The following KLHL2 variants were observed in gnomAD, a reference collection of about 807,000 sequenced individuals.
KLHL2 encodes kelch-like protein 2.
A neutral mutation model predicts 75.8 loss-of-function variants in KLHL2; 15 were observed. The ratio of observed to expected loss-of-function variants is 0.20; its 90% CI spans 0.13 to 0.30. KLHL2 has a LOEUF of 0.30. KLHL2 is among the 10% of genes least tolerant of loss of function. The pLI is 1.00. For missense variants in KLHL2, 381 were observed against 741.0 expected, an observed-to-expected ratio of 0.51 and a Z score of 5.64; for synonymous variants, 214 against 251.9, an observed-to-expected ratio of 0.85 and a Z score of 1.42.
At chr4:165,287,437 G>A (rs1483424365) in intron 5 of KLHL2, among the ~76,000 whole-genome samples, 1 of 152,122 alleles carries the variant, frequency 6.6e-6, no homozygotes, top group Non-Finnish European at 1.5e-5. Context: ...GCTATTGTGA[G>A]TCATGCTTCT....
chr4:165,239,015 T>C (rs1739588637), intron 4 of KLHL2, 116 bp downstream of exon 4: 1 of 1,463,702 alleles, frequency 6.8e-7, no homozygotes, highest in South Asian at 1.5e-5. Flanking sequence ...ATTGTGAAAA[T>C]TGTATTTCTA....
intron 5 of KLHL2, chr4:165,277,834 C>T (rs1743262606): frequency 1.4e-6 from 1 of 713,992 alleles, no homozygotes; most frequent in African/African-American, 1.8e-5. Context: ...TTATTTTAAG[C>T]CACAGGTCTA....
intron 1 of KLHL2, among the ~76,000 whole-genome samples, chr4:165,218,919 A>G (rs1737761883): frequency 6.6e-6 from 1 of 152,188 alleles, no homozygotes; most frequent in Non-Finnish European, 1.5e-5. Flanking sequence ...TTTTTATGTA[A>G]TAGCTTTATT....
intron 5 of KLHL2, among the ~76,000 whole-genome samples, chr4:165,271,959 T>G (rs1742732320): frequency 6.6e-6 from 1 of 152,138 alleles, no homozygotes; most frequent in Non-Finnish European, 1.5e-5. Context: ...AGAATGCATG[T>G]GTGTATATAT....
rs760383121 is a variant in KLHL2, at chr4:165,317,965, T to C, written c.1749T>C (p.Tyr583=). ...VSSCMSTGRS[Y]AGVTVIDKPL ...CGTGTATGAGCACAGGGAGAAGTTATGCAGGTAACAGTTGTCTCTAAAGTC... is the reference window on the plus strand; with the variant it reads ...CGTGTATGAGCACAGGGAGAAGTTACGCAGGTAACAGTTGTCTCTAAAGTC... The change falls in exon 14 of 15, where the codon TAT becomes TAC. Residue 583 remains tyrosine (Y), a synonymous_variant. Coordinates refer to ENST00000226725, the MANE Select transcript of KLHL2 (RefSeq NM_007246.4). 3.5e-5 allele frequency: 57 copies of C among 1,613,620 alleles called. No homozygotes were observed. The highest frequency in any genetic ancestry group is 1.6e-4 in the Middle Eastern group (1 of 6,084).
At chr4:165,211,615 A>T (rs1032934223) in intron 1 of KLHL2, among the ~76,000 whole-genome samples, 8 of 152,234 alleles carry the variant, frequency 5.3e-5, no homozygotes, top group Admixed American at 1.3e-4. Flanking sequence ...ATCACAGGTG[A>T]ATCTCCCCAG....
intron 9 of KLHL2, 118 bp downstream of exon 9, chr4:165,305,843 A>G (rs1031031495): frequency 6.7e-5 from 48 of 720,818 alleles, no homozygotes; most frequent in South Asian, 1.7e-5. Context: ...TAAAATAGCT[A>G]TGTAGTTAAA....
At chr4:165,253,254 G>A (rs1376964741) in intron 4 of KLHL2, among the ~76,000 whole-genome samples, 3 of 152,020 alleles carry the variant, frequency 2.0e-5, no homozygotes, top group African/African-American at 4.8e-5. Flanking sequence ...GGCTGGTCTC[G>A]AACTCCTGAT....
intron 5 of KLHL2, among the ~76,000 whole-genome samples, chr4:165,293,670 A>ATTTTTTTTTTTTT: frequency 7.9e-6 from 1 of 125,986 alleles, no homozygotes; most frequent in Non-Finnish European, 1.6e-5. Context: ...TGCCTGGCTA[A>ATTTTTTTTTTTTT]TTTTTTTTTT....
chr4:165,208,127 G>A (rs1470547078), intron 1 of KLHL2, among the ~76,000 whole-genome samples: 1 of 152,088 alleles, frequency 6.6e-6, no homozygotes, highest in South Asian at 2.1e-4. Context: ...CTGGGGAAGG[G>A]TCTTCCCCAT....
chr4:165,217,724 T>G (rs1306267673), intron 1 of KLHL2, among the ~76,000 whole-genome samples: 1 of 152,228 alleles, frequency 6.6e-6, no homozygotes, highest in Non-Finnish European at 1.5e-5. Context: ...AGTACCTGTT[T>G]CATGGCTTCG....
At chr4:165,256,581 A>G (rs1579054955) in intron 4 of KLHL2, among the ~76,000 whole-genome samples, 1 of 152,238 alleles carries the variant, frequency 6.6e-6, no homozygotes, top group South Asian at 2.1e-4. Flanking sequence ...CGGAGAAGCC[A>G]CAGTCCATAT....
At chr4:165,209,979 T>C in intron 1 of KLHL2, 1 of 1,468,994 alleles carries the variant, frequency 6.8e-7, no homozygotes, top group South Asian at 1.4e-5. Flanking sequence ...GATTTGAGAC[T>C]TGCAGGCAGT....
At chr4:165,265,493 A>G (rs1742171211) in intron 5 of KLHL2, among the ~76,000 whole-genome samples, 1 of 152,016 alleles carries the variant, frequency 6.6e-6, no homozygotes, top group Non-Finnish European at 1.5e-5. Flanking sequence ...TTCTTCTAGA[A>G]TTTTGATGGT....
chr4:165,250,996 T>C (rs1579042766), intron 4 of KLHL2, among the ~76,000 whole-genome samples: 4 of 152,344 alleles, frequency 2.6e-5, no homozygotes, highest in Middle Eastern at 3.4e-3. Context: ...GAAAAAGTTA[T>C]GTATCTCCCA....
intron 1 of KLHL2, chr4:165,208,430 C>T (rs1315631255): frequency 6.6e-6 from 1 of 152,136 alleles, no homozygotes; most frequent in East Asian, 1.9e-4. Flanking sequence ...GGCATGTGAC[C>T]TCTTTTACCT....
chr4:165,294,512 T>A, intron 6 of KLHL2, 44 bp downstream of exon 6: 1 of 817,364 alleles, frequency 1.2e-6, no homozygotes, highest in African/African-American at 1.8e-5. Flanking sequence ...ATGTTTCCCT[T>A]TTTTTTTTTT....
At chr4:165,257,049 T>C (rs1010381098) in intron 4 of KLHL2, among the ~76,000 whole-genome samples, 1 of 152,264 alleles carries the variant, frequency 6.6e-6, no homozygotes, top group Non-Finnish European at 1.5e-5. Flanking sequence ...ATTTAAGTTC[T>C]TCTCAATTTT....
chr4:165,284,387 A>G (rs1743926953), intron 5 of KLHL2, among the ~76,000 whole-genome samples: 1 of 152,150 alleles, frequency 6.6e-6, no homozygotes, highest in South Asian at 2.1e-4. Context: ...ACCCTAAATC[A>G]TCTCTCTCAA....
Sources: allele counts gnomAD v4.1 joint callset (sites outside exome capture counted in the v4.1 genomes callset), GRCh38; gene constraint gnomAD v4.1.1; transcripts MANE v1.5; gene names NCBI Gene and HGNC (gene_info 2026-07-23, HGNC 2026-07-21).